GFAP: variants seen among roughly 807,000 people sequenced by gnomAD.
The protein encoded by GFAP is intermediate filament protein.
A neutral mutation model predicts 49.3 loss-of-function variants in GFAP; 38 were observed. The observed-to-expected ratio is 0.77, with a 90% CI of 0.60 to 1.01. The LOEUF (loss-of-function observed/expected upper bound fraction) is 1.01, where lower values mean the gene tolerates loss of function less well. Ranked by LOEUF, GFAP falls within the 50% of genes least tolerant of loss-of-function variation. GFAP has a pLI of 0.00. For missense variants in GFAP, 463 were observed against 579.1 expected, an observed-to-expected ratio of 0.80 and a Z score of 2.06; for synonymous variants, 222 against 236.4, an observed-to-expected ratio of 0.94 and a Z score of 0.56.
chr17:44,903,842 C>G lies in GFAP; in HGVS notation c.*3505G>C. On this transcript the variant is annotated 3_prime_UTR_variant, in exon 9 of 9. Transcript: ENST00000588735. ...GCCTCCTTCAGGTATGCACCTGGCCCTCACCACTGTGCTCCTGTGGGCATG... is the reference window on the plus strand; with the variant it reads ...GCCTCCTTCAGGTATGCACCTGGCCGTCACCACTGTGCTCCTGTGGGCATG... 6.5e-7 allele frequency: 1 copy of G among 1,548,528 alleles called. No individual in the cohort carries two copies. The highest frequency in any genetic ancestry group is 8.7e-7 in the Non-Finnish European group (1 of 1,146,232).
chr17:44,910,733 T>C, intron 6 of GFAP, 75 bp from the exon 7 acceptor site: 1 of 1,545,942 alleles, frequency 6.5e-7, no homozygotes, highest in Non-Finnish European at 8.7e-7. Context: ...TGCGGGGCCA[T>C]CATGACAACT....
intron 4 of GFAP, among the ~76,000 whole-genome samples, chr17:44,912,188 A>G (rs2051790015): frequency 6.6e-6 from 1 of 152,182 alleles, no homozygotes; most frequent in Non-Finnish European, 1.5e-5. Context: ...CAGTGGCACA[A>G]TCCCGGGTCA....
rs1338213981 is a variant in GFAP at position 44,914,090 on chromosome 17, T to C, written c.462-2A>G. 5 of 1,549,546 alleles carry C rather than the reference T, an allele frequency of 3.2e-6. No individual in the cohort carries two copies. The highest frequency in any genetic ancestry group is 1.2e-5 in the South Asian group (1 of 84,106). On this transcript the variant is annotated splice_acceptor_variant, in intron 1 of 8. Transcript: ENST00000588735. LOFTEE classifies it high-confidence loss of function. Reference sequence around the variant, plus strand: ...CTCAGGTTGGTTTCATCCTGGAGCCTGGAGTGGGGGGACACATTCCTGGGT... The same window carrying C: ...CTCAGGTTGGTTTCATCCTGGAGCCCGGAGTGGGGGGACACATTCCTGGGT...
chr17:44,910,477 G>A (rs1299544035), intron 7 of GFAP, 138 bp downstream of exon 7: 19 of 1,555,448 alleles, frequency 1.2e-5, no homozygotes, highest in East Asian at 9.7e-5. Context: ...GGCTAGGAGC[G>A]CTGCAGTGTC....
Position 44,907,161 on chromosome 17 carries a change from C to T in GFAP, c.*186G>A. 1.5e-6 allele frequency: 1 copy of T among 646,212 alleles called. No homozygotes were observed. The highest frequency in any genetic ancestry group is 2.8e-6 in the Non-Finnish European group (1 of 355,420). The allele number at this position is 646,212 out of a possible 1,614,324, so 40.0% of individuals were successfully genotyped here. A position where few individuals can be genotyped will look rare whatever the true frequency, so the allele number is the denominator to read the frequency against. ...TTGCTGGGTGCTGGGTGGGTGCCGTCTGGCAGGCCTGATACTGACGGAGCC... is the reference window on the plus strand; with the variant it reads ...TTGCTGGGTGCTGGGTGGGTGCCGTTTGGCAGGCCTGATACTGACGGAGCC... On this transcript the variant is annotated 3_prime_UTR_variant, in exon 9 of 9. Coordinates refer to ENST00000588735, the MANE Select transcript of GFAP (RefSeq NM_002055.5).
rs1329231476 is a variant in GFAP, at chr17:44,907,264, G to A, written c.*83C>T. On this transcript the variant is annotated 3_prime_UTR_variant, in exon 9 of 9. Coordinates refer to ENST00000588735, the MANE Select transcript of GFAP (RefSeq NM_002055.5). ...GTGGGGAGCTCAGGTCTGGGGAAAT[G>A]TGCCAGCAGAGGCGGAGCAACTATC... The A allele has an allele frequency of 6.1e-6, 8 of 1,304,442 alleles. No individual in the cohort carries two copies. Among genetic ancestry groups the A allele is most frequent in the Non-Finnish European group, 6.7e-6 (6 of 898,810 alleles). The allele number at this position is 1,304,442 out of a possible 1,614,324, so 80.8% of individuals were successfully genotyped here. A position where few individuals can be genotyped will look rare whatever the true frequency, so the allele number is the denominator to read the frequency against.
rs111317907 is a variant in GFAP at position 44,904,529 on chromosome 17, G to C, written c.*2818C>G. 2 of 1,550,514 alleles carry C rather than the reference G, an allele frequency of 1.3e-6. No homozygotes were observed. The highest frequency in any genetic ancestry group is 8.7e-7 in the Non-Finnish European group (1 of 1,146,970). Reference sequence around the variant, plus strand: ...CAAGGCCAGGGACCACACGCCTGAGGTGCTGGTTCGGAGCTGCTTAGTACC... The same window carrying C: ...CAAGGCCAGGGACCACACGCCTGAGCTGCTGGTTCGGAGCTGCTTAGTACC... On this transcript the variant is annotated 3_prime_UTR_variant, in exon 9 of 9. Coordinates refer to ENST00000588735, the MANE Select transcript of GFAP (RefSeq NM_002055.5).
At chr17:44,914,664 C>T in intron 1 of GFAP, 2 of 304,844 alleles carry the variant, frequency 6.6e-6, no homozygotes, top group Admixed American at 4.8e-5. Context: ...TTCTCCGCTT[C>T]CAACTCCTCC....
At chr17:44,913,965 G>A (rs569658813) in intron 2 of GFAP, 63 bp downstream of exon 2, 15 of 1,348,910 alleles carry the variant, frequency 1.1e-5, no homozygotes, top group Non-Finnish European at 1.6e-5. Flanking sequence ...TGGGGGCTGT[G>A]TTTGGGTGGG....
chr17:44,903,194 A>C lies in GFAP; in HGVS notation c.*4153T>G, dbSNP rs2145615816. Reference sequence around the variant, plus strand: ...AAAGCAAAATCTTTATGGTAAACAAACACTGATCTCCACAGCTCTTAACAA... The same window carrying C: ...AAAGCAAAATCTTTATGGTAAACAACCACTGATCTCCACAGCTCTTAACAA... On this transcript the variant is annotated 3_prime_UTR_variant, in exon 9 of 9. Transcript: ENST00000588735. 2.4e-6 allele frequency: 3 copies of C among 1,270,156 alleles called. No homozygotes were observed. In the South Asian group the frequency reaches 1.1e-4, roughly 44 times the overall value. The allele number at this position is 1,270,156 out of a possible 1,614,324, so 78.7% of individuals were successfully genotyped here. A position where few individuals can be genotyped will look rare whatever the true frequency, so the allele number is the denominator to read the frequency against.
intron 7 of GFAP, chr17:44,910,237 C>T: frequency 1.2e-6 from 2 of 1,613,972 alleles, no homozygotes; most frequent in South Asian, 1.1e-5. Context: ...TTGTGATTTT[C>T]CCCGTCTTTG....
intron 1 of GFAP, chr17:44,914,450 CCTGGGGATTCCTCT>C: frequency 3.5e-6 from 1 of 286,186 alleles, no homozygotes; most frequent in Non-Finnish European, 6.6e-6. Flanking sequence ...GCGCCATGCC[CCTGGGGATTCCTCT>C]GATCCCAGGT....
In GFAP at chr17:44,903,191, C is replaced by CA. The variant is rs1432739794; in HGVS notation, c.*4155dup. 13 of 1,269,648 alleles carry CA rather than the reference C, an allele frequency of 1.0e-5. No homozygotes were observed. The African/African-American group carries it at 2.0e-4, about 19-fold the overall frequency. 78.6% of individuals were successfully genotyped at this position (1,269,648 alleles called of 1,614,324 possible). Reference sequence around the variant, plus strand: ...GAAAAAGCAAAATCTTTATGGTAAACAAACACTGATCTCCACAGCTCTTAA... The same window carrying CA: ...GAAAAAGCAAAATCTTTATGGTAAACAAAACACTGATCTCCACAGCTCTTAA... On this transcript the variant is annotated 3_prime_UTR_variant, in exon 9 of 9. Transcript: ENST00000588735.
chr17:44,904,633 G>A lies in GFAP; in HGVS notation c.*2714C>T, dbSNP rs1567767755. Reference sequence around the variant, plus strand: ...TGTCCAAAGTGGGCAGCCGGCCCTGGGTGCCCCAGGTGCCCATTCAGTTCC... The same window carrying A: ...TGTCCAAAGTGGGCAGCCGGCCCTGAGTGCCCCAGGTGCCCATTCAGTTCC... On this transcript the variant is annotated 3_prime_UTR_variant, in exon 9 of 9. Coordinates refer to ENST00000588735, the MANE Select transcript of GFAP (RefSeq NM_002055.5). The A allele has an allele frequency of 6.4e-7, 1 of 1,550,512 alleles. No individual in the cohort carries two copies.
rs1064797223 is a variant in GFAP, at chr17:44,911,427, C to G, written c.936G>C (p.Glu312Asp). ...CCTCCCGCACGTGCCGCTCCTCCTGCTCGCGCATCTGCCTCTCCAGGGACT... is the reference window on the plus strand; with the variant it reads ...CCTCCCGCACGTGCCGCTCCTCCTGGTCGCGCATCTGCCTCTCCAGGGACT... ...TNESLERQMR[E>D]QEERHVREAA... Residue 312 changes from glutamate to aspartate, a missense_variant, in exon 6 of 9, where the codon GAG becomes GAC. Glu to Asp is a conservative substitution (Grantham distance 45, BLOSUM62 2). Coordinates refer to ENST00000588735, the MANE Select transcript of GFAP (RefSeq NM_002055.5). 2.5e-6 allele frequency: 4 copies of G among 1,611,244 alleles called. No homozygotes were observed. The highest frequency in any genetic ancestry group is 2.5e-6 in the Non-Finnish European group (3 of 1,178,996).
At position 44,904,215 on chromosome 17, in the gene GFAP, A is replaced by AG; in HGVS notation, c.*3131dup. 1 of 1,550,570 alleles carries AG rather than the reference A, an allele frequency of 6.4e-7. No homozygotes were observed. The highest frequency in any genetic ancestry group is 1.2e-5 in the South Asian group (1 of 84,044). On this transcript the variant is annotated 3_prime_UTR_variant, in exon 9 of 9. Transcript: ENST00000588735. Reference sequence around the variant, plus strand: ...GGCCTGTACTTCTGCGGCACCCGCAAGGGGGACTACTTTTACGCCTACGAT... The same window carrying AG: ...GGCCTGTACTTCTGCGGCACCCGCAAGGGGGGACTACTTTTACGCCTACGAT...
chr17:44,905,197 C>T lies in GFAP; in HGVS notation c.*2150G>A, dbSNP rs2145621881. 1.4e-6 allele frequency: 1 copy of T among 740,578 alleles called. No individual in the cohort carries two copies. Among genetic ancestry groups the T allele is most frequent in the Non-Finnish European group, 2.2e-6 (1 of 451,234 alleles). 45.9% of individuals were successfully genotyped at this position (740,578 alleles called of 1,614,324 possible). On this transcript the variant is annotated 3_prime_UTR_variant, in exon 9 of 9. Transcript: ENST00000588735. ...AACATGTGGACAAATCTGTTACAGC[C>T]TGCTCCCCATTTTCATGGGCAGGTC...
At chr17:44,909,672 TTTAACA>T (rs1402638648) in intron 7 of GFAP, 2 of 623,312 alleles carry the variant, frequency 3.2e-6, no homozygotes, top group African/African-American at 4.7e-5. Context: ...TTCACTAATA[TTTAACA>T]TTAAGAGCAG....
Position 44,904,121 on chromosome 17 carries a change from G to A in GFAP, c.*3226C>T, listed in dbSNP as rs977255814. 104 of 1,550,410 alleles carry A rather than the reference G, an allele frequency of 6.7e-5. No individual in the cohort carries two copies. Among genetic ancestry groups the A allele is most frequent in the Non-Finnish European group, 8.6e-5 (99 of 1,146,952 alleles). On this transcript the variant is annotated 3_prime_UTR_variant, in exon 9 of 9. Transcript: ENST00000588735. ...GGCAGCCCAGGTACGTGTGGGCAGC[G>A]ACATGCTGACCCGCTTCAGCATCCG...
Sources: gnomAD v4.1 joint callset for allele counts (sites outside exome capture counted in the v4.1 genomes callset) on GRCh38, gnomAD v4.1.1 for gene constraint, MANE v1.5 for transcripts, NCBI Gene and HGNC (gene_info 2026-07-23, HGNC 2026-07-21) for gene names.